ARFGEF2: variants seen among roughly 807,000 people sequenced by gnomAD.
ARFGEF2 encodes brefeldin A-inhibited guanine nucleotide-exchange protein 2.
A neutral mutation model predicts 219.9 loss-of-function variants in ARFGEF2; 74 were observed. That is an observed-to-expected ratio of 0.34 (90% CI 0.28 to 0.41). The LOEUF (loss-of-function observed/expected upper bound fraction) is 0.41. Among genes scored for constraint, ARFGEF2 ranks in the 10% least tolerant of loss-of-function variants. ARFGEF2 has a pLI of 1.00. For missense variants in ARFGEF2, 1,743 were observed against 2,218.3 expected, an observed-to-expected ratio of 0.79 and a Z score of 4.30; for synonymous variants, 733 against 799.2, an observed-to-expected ratio of 0.92 and a Z score of 1.40.
At chr20:49,011,336 AT>A (rs1160634515) in intron 27 of ARFGEF2, among the ~76,000 whole-genome samples, 1 of 152,222 alleles carries the variant, frequency 6.6e-6, no homozygotes, top group African/African-American at 2.4e-5. Context: ...GTATTCTTGA[AT>A]TCAGTGTTTA....
intron 1 of ARFGEF2, among the ~76,000 whole-genome samples, chr20:48,935,403 G>C (rs2090941625): frequency 6.6e-6 from 1 of 152,062 alleles, no homozygotes; most frequent in African/African-American, 2.4e-5. Context: ...AGAGCACAGG[G>C]TTGGGGGTAA....
intron 1 of ARFGEF2, among the ~76,000 whole-genome samples, chr20:48,924,469 G>A (rs1035886074): frequency 5.9e-5 from 8 of 135,844 alleles, no homozygotes; most frequent in Non-Finnish European, 1.1e-4. Context: ...CTGAGATTGC[G>A]CCACTGCACT....
intron 21 of ARFGEF2, among the ~76,000 whole-genome samples, chr20:48,993,471 A>T (rs73909768): frequency 1.2e-3 from 176 of 152,342 alleles, no homozygotes; most frequent in African/African-American, 4.1e-3. Context: ...AGAAGAAAGC[A>T]ATTTATAAGT....
chr20:49,000,083 A>G (rs895610277), intron 25 of ARFGEF2, among the ~76,000 whole-genome samples: 3 of 152,224 alleles, frequency 2.0e-5, no homozygotes, highest in African/African-American at 7.2e-5. Context: ...ATTTAAAGTT[A>G]GCAATATGAT....
intron 33 of ARFGEF2, 81 bp downstream of exon 33, chr20:49,017,631 T>G: frequency 1.4e-6 from 2 of 1,423,740 alleles, no homozygotes; most frequent in Non-Finnish European, 2.0e-6. Flanking sequence ...TAGTTTGTAC[T>G]TTTTTTAATG....
intron 3 of ARFGEF2, among the ~76,000 whole-genome samples, chr20:48,948,073 C>T (rs2091039576): frequency 6.6e-6 from 1 of 152,056 alleles, no homozygotes; most frequent in Admixed American, 6.6e-5. Flanking sequence ...TTTAAATGCA[C>T]AATGAAAAAT....
intron 1 of ARFGEF2, among the ~76,000 whole-genome samples, chr20:48,937,224 G>A (rs892108837): frequency 6.6e-6 from 1 of 152,140 alleles, no homozygotes; most frequent in Non-Finnish European, 1.5e-5. Context: ...CCCTGCTTCT[G>A]TCCTGGCCAC....
chr20:49,017,704 T>C (rs2091539684), intron 33 of ARFGEF2, among the ~76,000 whole-genome samples, 154 bp downstream of exon 33: 1 of 152,136 alleles, frequency 6.6e-6, no homozygotes, highest in South Asian at 2.1e-4. Context: ...TTTTAGAAAG[T>C]CCAGAAAAGC....
rs1415029947 is a variant in ARFGEF2, at chr20:48,974,780, G to A, written c.1680G>A (p.Arg560=). ...TCGTCCCTTAGGAGCTCAGCCTGAG[G>A]AAGAAAGGCCTGGAGTGCCTCGTGT... is the stretch of plus-strand genomic sequence containing the variant. ...GMTPLQELSL[R]KKGLECLVSI... Residue 560 remains arginine, a synonymous_variant, in exon 13 of 39, where the codon AGG becomes AGA. Transcript: ENST00000371917. 6.2e-7 allele frequency: 1 copy of A among 1,613,664 alleles called. No homozygotes were observed. The highest frequency in any genetic ancestry group is 8.5e-7 in the Non-Finnish European group (1 of 1,179,814).
intron 25 of ARFGEF2, among the ~76,000 whole-genome samples, chr20:49,004,533 G>A (rs1040464868): frequency 1.3e-5 from 2 of 151,926 alleles, no homozygotes; most frequent in Admixed American, 6.6e-5. Flanking sequence ...TGGGCGCGGT[G>A]GCTCACCCTG....
At position 48,989,614 on chromosome 20, in the gene ARFGEF2, C is replaced by G; in HGVS notation, c.2744C>G (p.Thr915Ser). ...ATCGGACTCCAGAACTGTGATGACA[C>G]TGAAGTGGCCTCCTTGTGTTTGGAA... ...YSIGLQNCDD[T>S]EVASLCLEGI... Residue 915 changes from threonine (T) to serine (S), a missense_variant, in exon 20 of 39, where the codon ACT (threonine) becomes AGT (serine). By Grantham distance (58) the Thr-to-Ser change is moderately conservative (BLOSUM62 1). This residue lies in a region of ARFGEF2 where 666 missense variants were observed against 955.4 expected (regional missense o/e 0.70). Transcript: ENST00000371917. 17 of 1,614,232 alleles carry G rather than the reference C, an allele frequency of 1.1e-5. No homozygotes were observed. The highest frequency in any genetic ancestry group is 1.4e-5 in the Non-Finnish European group (17 of 1,180,048).
intron 14 of ARFGEF2, among the ~76,000 whole-genome samples, chr20:48,977,501 A>G (rs1028875874): frequency 2.0e-5 from 3 of 152,212 alleles, no homozygotes; most frequent in Non-Finnish European, 4.4e-5. Context: ...CAGTAATGGG[A>G]TCGCTGAGTC....
chr20:48,967,011 T>C (rs961979833), intron 8 of ARFGEF2, among the ~76,000 whole-genome samples: 1 of 152,166 alleles, frequency 6.6e-6, no homozygotes, highest in Non-Finnish European at 1.5e-5. Context: ...CATACCTGGC[T>C]AATTTTTTAT....
chr20:49,020,758 C>T (rs576938751), intron 34 of ARFGEF2, among the ~76,000 whole-genome samples: 2 of 152,166 alleles, frequency 1.3e-5, no homozygotes, highest in South Asian at 2.1e-4. Context: ...TTTTTCTTCA[C>T]GAGCTCCAGA....
rs1473433408 is a variant in ARFGEF2, at chr20:49,035,428, A to T, written c.*2229A>T. ...TGTACCAGCAATGGACTTTTAAAAA[A>T]TTGGATGTAAAACCATTCAGGGTGA... On this transcript the variant is annotated 3_prime_UTR_variant, in exon 39 of 39. Coordinates refer to ENST00000371917, the MANE Select transcript of ARFGEF2 (RefSeq NM_006420.3). 2 of 152,252 alleles carry T rather than the reference A, an allele frequency of 1.3e-5. No individual in the cohort carries two copies. Among genetic ancestry groups the T allele is most frequent in the Non-Finnish European group, 2.9e-5 (2 of 68,044 alleles). 9.4% of individuals were successfully genotyped at this position (152,252 alleles called of 1,614,324 possible). A position where few individuals can be genotyped will look rare whatever the true frequency, so the allele number is the denominator to read the frequency against.
chr20:48,953,465 C>G (rs548470834), intron 5 of ARFGEF2, 91 bp from the exon 6 acceptor site: 2 of 1,228,464 alleles, frequency 1.6e-6, no homozygotes, highest in Admixed American at 3.4e-5. Flanking sequence ...CGTTAACCAC[C>G]GCGCCCAGCC....
At chr20:49,012,232 T>C (rs2091504208) in intron 28 of ARFGEF2, 148 bp downstream of exon 28, 1 of 1,015,538 alleles carries the variant, frequency 9.8e-7, no homozygotes, top group East Asian at 2.6e-5. Flanking sequence ...AATGCTGCCA[T>C]GACAGGGAGT....
chr20:49,003,756 C>A (rs995235949), intron 25 of ARFGEF2, among the ~76,000 whole-genome samples: 1 of 152,142 alleles, frequency 6.6e-6, no homozygotes, highest in Non-Finnish European at 1.5e-5. Context: ...TTTAGAGATT[C>A]TCCTTGAGAG....
intron 3 of ARFGEF2, among the ~76,000 whole-genome samples, chr20:48,950,808 AAAAATAT>A (rs1462544055): frequency 4.7e-4 from 20 of 42,278 alleles, no homozygotes; most frequent in African/African-American, 2.3e-3. Flanking sequence ...AAAAAAAAAA[AAAAATAT>A]ATATATATAT....
Sources: gnomAD v4.1 joint callset for allele counts (sites outside exome capture counted in the v4.1 genomes callset) on GRCh38, gnomAD v4.1.1 for gene constraint, gnomAD v4.1.1 regional missense constraint, MANE v1.5 for transcripts, NCBI Gene and HGNC (gene_info 2026-07-23, HGNC 2026-07-21) for gene names.